The following CHST1 variants were observed in gnomAD, a reference collection of about 807,000 sequenced individuals.
CHST1 encodes the protein carbohydrate sulfotransferase 1, also known as Keratan sulfotransferase.
In CHST1, 10 loss-of-function variants were observed where a neutral mutation model predicts 22.5. The ratio of observed to expected loss-of-function variants is 0.44; its 90% CI spans 0.27 to 0.75. The LOEUF is 0.75. CHST1 is among the 30% of genes least tolerant of loss of function. The probability of loss-of-function intolerance (pLI) is 0.15; values close to 1 mark genes in which losing one functional copy is unlikely to be tolerated. For missense variants in CHST1, 439 were observed against 576.1 expected, an observed-to-expected ratio of 0.76 and a Z score of 2.44; for synonymous variants, 267 against 264.5, an observed-to-expected ratio of 1.01 and a Z score of -0.09.
intron 1 of CHST1, among the ~76,000 whole-genome samples, chr11:45,656,222 A>G (rs1852060533): frequency 6.6e-6 from 1 of 152,182 alleles, no homozygotes; most frequent in Admixed American, 6.5e-5. Flanking sequence ...ACAATTGAGA[A>G]GTTTCCCGAA....
In CHST1 at chr11:45,649,464, G is replaced by A; in HGVS notation, c.*224C>T. ...ATGTGTCTGAATGGGGGGGGGGGGG[G>A]CGGGACCCTACTTCAGGCGCCCTCT... On this transcript the variant is annotated 3_prime_UTR_variant, in exon 4 of 4. Transcript: ENST00000308064. 1.9e-6 allele frequency: 1 copy of A among 514,788 alleles called. No individual in the cohort carries two copies. The highest frequency in any genetic ancestry group is 3.2e-5 in the East Asian group (1 of 31,536). 31.9% of individuals were successfully genotyped at this position (514,788 alleles called of 1,614,324 possible). A position where few individuals can be genotyped will look rare whatever the true frequency, so the allele number is the denominator to read the frequency against.
At chr11:45,657,874 G>A (rs1342592094) in intron 1 of CHST1, among the ~76,000 whole-genome samples, 1 of 152,170 alleles carries the variant, frequency 6.6e-6, no homozygotes, top group Non-Finnish European at 1.5e-5. Context: ...GGGCCCCACA[G>A]GCAGAACCAC....
chr11:45,654,165 A>G (rs899810196), intron 1 of CHST1, among the ~76,000 whole-genome samples: 1 of 152,196 alleles, frequency 6.6e-6, no homozygotes, highest in East Asian at 1.9e-4. Context: ...ACATCTTGCC[A>G]TCTTGCTGGG....
Position 45,649,661 on chromosome 11 carries a change from C to G in CHST1, c.*27G>C. ...TTTTATCAAAACCGACACCTTGCGC[C>G]TCCCGCCCCCACCCGCACCGCCCGG... On this transcript the variant is annotated 3_prime_UTR_variant, in exon 4 of 4. Coordinates refer to ENST00000308064, the MANE Select transcript of CHST1 (RefSeq NM_003654.6). 1 of 1,517,994 alleles carries G rather than the reference C, an allele frequency of 6.6e-7. No homozygotes were observed. 94.0% of individuals were successfully genotyped at this position (1,517,994 alleles called of 1,614,324 possible). A position where few individuals can be genotyped will look rare whatever the true frequency, so the allele number is the denominator to read the frequency against.
In CHST1 at chr11:45,658,806, C is replaced by T. The variant is rs372543831; in HGVS notation, c.-226-6200G>A. ...CCCGGTTTCCTGTCCCCCGCCCCAC[C>T]GAGAAGCCACAGCCAGAGTTGGAAT... On this transcript the variant is annotated intron_variant, in intron 1 of 3. Transcript: ENST00000308064. Among the ~76,000 whole-genome samples the T allele has an allele frequency of 1.2e-3, 187 of 152,320 alleles. 1 individual carries two copies. The highest frequency in any genetic ancestry group is 0.011 in the East Asian group (59 of 5,174).
intron 1 of CHST1, among the ~76,000 whole-genome samples, chr11:45,663,255 G>A (rs1409273528): frequency 6.6e-6 from 1 of 152,200 alleles, no homozygotes; most frequent in Non-Finnish European, 1.5e-5. Context: ...TGCAGACTCA[G>A]TGGAACACAG....
intron 1 of CHST1, among the ~76,000 whole-genome samples, chr11:45,662,769 C>G (rs1852150678): frequency 6.6e-6 from 1 of 152,188 alleles, no homozygotes; most frequent in Admixed American, 6.5e-5. Context: ...TGAGCCCGGG[C>G]ACCTAGCCAG....
intron 1 of CHST1, among the ~76,000 whole-genome samples, chr11:45,655,254 C>T (rs1460350195): frequency 6.6e-6 from 1 of 152,312 alleles, no homozygotes; most frequent in East Asian, 1.9e-4. Flanking sequence ...CACTAAATGT[C>T]AATTAATATC....
intron 1 of CHST1, among the ~76,000 whole-genome samples, chr11:45,663,376 C>T (rs1428580090): frequency 6.6e-6 from 1 of 152,036 alleles, no homozygotes; most frequent in Non-Finnish European, 1.5e-5. Context: ...GGAGAGTGGT[C>T]AGGGGGATAC....
In CHST1 at chr11:45,665,292, G is replaced by A; in HGVS notation, c.-341C>T. The stretch of plus-strand genomic sequence containing the variant: ...GGCGGCGGCGGCAGCAGCCGCGGCG[G>A]CATCCTCCGCCTCCCGCGCCCTCCT... On this transcript the variant is annotated 5_prime_UTR_variant, in exon 1 of 4. Coordinates refer to ENST00000308064, the MANE Select transcript of CHST1 (RefSeq NM_003654.6). This position sits in a 1 kb window ranked among gnomAD's most constrained non-coding sequence, Gnocchi z 4.0. 6.6e-6 allele frequency: 1 copy of A among 152,224 alleles called. No individual in the cohort carries two copies. Among genetic ancestry groups the A allele is most frequent in the East Asian group, 2.0e-4 (1 of 5,124 alleles). The allele number at this position is 152,224 out of a possible 1,614,324, so 9.4% of individuals were successfully genotyped here. A position where few individuals can be genotyped will look rare whatever the true frequency, so the allele number is the denominator to read the frequency against.
Position 45,648,010 on chromosome 11 carries a change from A to G in CHST1, c.*1678T>C, listed in dbSNP as rs746693535. ...TGTGACCTGCAGCCACCCCAGGGGC[A>G]GGTTTTCTTGGAATAAGAGCTGGGG... On this transcript the variant is annotated 3_prime_UTR_variant, in exon 4 of 4. Coordinates refer to ENST00000308064, the MANE Select transcript of CHST1 (RefSeq NM_003654.6). Among the ~76,000 whole-genome samples the G allele has an allele frequency of 1.3e-5, 2 of 152,188 alleles. No homozygotes were observed. The highest frequency in any genetic ancestry group is 2.4e-5 in the African/African-American group (1 of 41,460).
chr11:45,650,602 T>C lies in CHST1; in HGVS notation c.322A>G (p.Lys108Glu). ...NTLIPRFTQG[K>E]SPADRRVMLG... The stretch of plus-strand genomic sequence containing the variant: ...ATGACCCGCCGGTCGGCCGGGCTCT[T>C]GCCCTGGGTGAAGCGGGGGATGAGC... Residue 108 changes from lysine to glutamate, a missense_variant, in exon 4 of 4, where the codon AAG becomes GAG. Lys to Glu is a moderately conservative substitution (Grantham distance 56). Coordinates refer to ENST00000308064, the MANE Select transcript of CHST1 (RefSeq NM_003654.6). 6.2e-7 allele frequency: 1 copy of C among 1,614,030 alleles called. No homozygotes were observed. Among genetic ancestry groups the C allele is most frequent in the Non-Finnish European group, 8.5e-7 (1 of 1,179,982 alleles).
At chr11:45,654,871 G>A (rs534775135) in intron 1 of CHST1, among the ~76,000 whole-genome samples, 24 of 152,172 alleles carry the variant, frequency 1.6e-4, no homozygotes, top group Non-Finnish European at 2.9e-4. Context: ...TTGGAAAACT[G>A]TAATTCACAG....
At chr11:45,659,577 C>T (rs1432686838) in intron 1 of CHST1, among the ~76,000 whole-genome samples, 1 of 152,140 alleles carries the variant, frequency 6.6e-6, no homozygotes. Flanking sequence ...TGCCATCTCA[C>T]CGCTTCCCAG....
At chr11:45,662,342 A>G (rs1852145162) in intron 1 of CHST1, among the ~76,000 whole-genome samples, 1 of 152,120 alleles carries the variant, frequency 6.6e-6, no homozygotes, top group South Asian at 2.1e-4. Context: ...ATCTGGATTT[A>G]CTCCCACAAG....
rs113166487 is a variant in CHST1 at position 45,656,004 on chromosome 11, C to T, written c.-226-3398G>A. ...TAGGGCTGGGCATTTCTGTCCCCCA[C>T]CTCGGCCTGATCTGTGGCAGCGCCA... On this transcript the variant is annotated intron_variant, in intron 1 of 3. Coordinates refer to ENST00000308064, the MANE Select transcript of CHST1 (RefSeq NM_003654.6). Among the ~76,000 whole-genome samples, 303 of 152,370 alleles carry T rather than the reference C, an allele frequency of 2.0e-3. 1 individual carries two copies. Among genetic ancestry groups the T allele is most frequent in the African/African-American group, 7.0e-3 (291 of 41,590 alleles).
At position 45,665,530 on chromosome 11, in the gene CHST1, G is replaced by A. The variant is rs1590697316; in HGVS notation, c.-579C>T. 2 of 151,708 alleles carry A rather than the reference G, an allele frequency of 1.3e-5. No individual in the cohort carries two copies. Among genetic ancestry groups the A allele is most frequent in the East Asian group, 3.9e-4 (2 of 5,068 alleles). The allele number at this position is 151,708 out of a possible 1,614,324, so 9.4% of individuals were successfully genotyped here. On this transcript the variant is annotated 5_prime_UTR_variant, in exon 1 of 4. Transcript: ENST00000308064. The surrounding 1 kb of genome is among the most constrained non-coding windows in gnomAD (Gnocchi z 4.0). ...CGCCGCAGCCCCGGGCGCCGGAGGA[G>A]AGCAGCAGCCGCAGGCACCAGAGCC... is the stretch of plus-strand genomic sequence containing the variant.
chr11:45,659,546 C>T (rs1852103805), intron 1 of CHST1, among the ~76,000 whole-genome samples: 1 of 152,124 alleles, frequency 6.6e-6, no homozygotes, highest in Admixed American at 6.5e-5. Flanking sequence ...GGTTGGTTCC[C>T]CTGGCATACC....
chr11:45,654,869 C>T (rs1342873894), intron 1 of CHST1, among the ~76,000 whole-genome samples: 1 of 152,204 alleles, frequency 6.6e-6, no homozygotes, highest in Non-Finnish European at 1.5e-5. Context: ...TATTGGAAAA[C>T]TGTAATTCAC....
Sources: allele counts gnomAD v4.1 joint callset (sites outside exome capture counted in the v4.1 genomes callset), GRCh38; gene constraint gnomAD v4.1.1; non-coding constraint Gnocchi (gnomAD v3.1); transcripts MANE v1.5; gene names NCBI Gene and HGNC (gene_info 2026-07-23, HGNC 2026-07-21).